RAF1: variants seen among roughly 807,000 people sequenced by gnomAD.
RAF1 encodes RAF proto-oncogene serine/threonine-protein kinase.
Under a neutral mutation model 81.1 loss-of-function variants are expected in RAF1, and 27 were observed. That is an observed-to-expected ratio of 0.33 (90% CI 0.25 to 0.46). The LOEUF (loss-of-function observed/expected upper bound fraction) is 0.46, where lower values mean the gene tolerates loss of function less well. RAF1 is among the 20% of genes least tolerant of loss of function. RAF1 has a pLI of 1.00. For synonymous variants in RAF1, 298 were observed against 294.0 expected (o/e 1.01, Z -0.14); for missense variants, 598 against 826.0 (o/e 0.72, Z 3.38).
intron 1 of RAF1, among the ~76,000 whole-genome samples, chr3:12,656,249 C>A (rs1397785290): frequency 6.6e-6 from 1 of 151,724 alleles, no homozygotes; most frequent in Non-Finnish European, 1.5e-5. Flanking sequence ...CCCATTCTCT[C>A]TGGGTATAAC....
chr3:12,638,652 T>C (rs1029547424), intron 1 of RAF1, among the ~76,000 whole-genome samples: 3 of 152,164 alleles, frequency 2.0e-5, no homozygotes, highest in Non-Finnish European at 2.9e-5. Flanking sequence ...CAGTAAACGG[T>C]AAATATTTTC....
chr3:12,637,761 G>A (rs1288180083), intron 1 of RAF1, among the ~76,000 whole-genome samples: 1 of 151,836 alleles, frequency 6.6e-6, no homozygotes, highest in African/African-American at 2.4e-5. Context: ...GCTGAGGCAG[G>A]AAAAGCGCTT....
chr3:12,622,003 T>A (rs2059569410), intron 1 of RAF1, among the ~76,000 whole-genome samples: 1 of 152,210 alleles, frequency 6.6e-6, no homozygotes, highest in South Asian at 2.1e-4. Flanking sequence ...TATTACACTA[T>A]AAACTTTTAT....
At chr3:12,624,842 C>T (rs573528039) in intron 1 of RAF1, among the ~76,000 whole-genome samples, 80 of 145,604 alleles carry the variant, frequency 5.5e-4, no homozygotes, top group African/African-American at 1.7e-3. Flanking sequence ...GCCGAGATTG[C>T]GCCACTGCAC....
Position 12,600,295 on chromosome 3 carries a change from A to C in RAF1, c.923-16T>G, listed in dbSNP as rs770891566. ...GAAGGTGAGGCTTAATAGACAAGAC[A>C]AACAGAAGCCACACAAGGATAAGCC... On this transcript the variant is annotated splice_polypyrimidine_tract_variant and intron_variant, in intron 9 of 17. Coordinates refer to ENST00000442415, the MANE Select transcript of RAF1 (RefSeq NM_001354689.3). 3 of 1,614,188 alleles carry C rather than the reference A, an allele frequency of 1.9e-6. No individual in the cohort carries two copies. The highest frequency in any genetic ancestry group is 1.7e-5 in the Admixed American group (1 of 60,024).
chr3:12,628,746 A>T (rs2059779602), intron 1 of RAF1, among the ~76,000 whole-genome samples: 1 of 34,394 alleles, frequency 2.9e-5, no homozygotes, highest in Non-Finnish European at 5.3e-5. Flanking sequence ...ACCTGAGACT[A>T]TTTTTGGGGG....
chr3:12,650,930 A>G (rs2060503786), intron 1 of RAF1, among the ~76,000 whole-genome samples: 1 of 152,178 alleles, frequency 6.6e-6, no homozygotes, highest in African/African-American at 2.4e-5. Context: ...TTTGAGCTTA[A>G]AGGGGCAATA....
chr3:12,641,592 A>G (rs1260087053), intron 1 of RAF1, among the ~76,000 whole-genome samples: 5 of 151,172 alleles, frequency 3.3e-5, no homozygotes, highest in Non-Finnish European at 7.4e-5. Flanking sequence ...CCCAGGTTCA[A>G]GGGATCCTCC....
chr3:12,587,928 T>C, intron 13 of RAF1: 1 of 231,830 alleles, frequency 4.3e-6, no homozygotes, highest in South Asian at 1.2e-4. Context: ...CACCTCCCAG[T>C]AGCCGGGACC....
In RAF1 at chr3:12,604,931, G is replaced by A. The variant is rs141317039; in HGVS notation, c.681-642C>T. Among the ~76,000 whole-genome samples, 62 of 152,190 alleles carry A rather than the reference G, an allele frequency of 4.1e-4. 1 individual carries two copies. The highest frequency in any genetic ancestry group is 1.5e-3 in the African/African-American group (62 of 41,520). On this transcript the variant is annotated intron_variant, in intron 6 of 17. Coordinates refer to ENST00000442415, the MANE Select transcript of RAF1 (RefSeq NM_001354689.3). ...CATTATTTGCTCTAAAGATTCGTTC[G>A]AGGTTTGTTCAGATTCAGGTAACAC...
rs33981119 is a variant in RAF1, at chr3:12,587,962, C to CTTTTTTTTTTTTTTT, written c.1431-340_1431-326dup. ...CCACAGGCATGTGCCACCATGCCGC[C>CTTTTTTTTTTTTTTT]TTTTTTTTTTTTTTTTTTTTTTTGG... On this transcript the variant is annotated intron_variant, in intron 13 of 17. Coordinates refer to ENST00000442415, the MANE Select transcript of RAF1 (RefSeq NM_001354689.3). The CTTTTTTTTTTTTTTT allele has an allele frequency of 3.2e-5, 2 of 62,550 alleles. 1 individual carries two copies. The highest frequency in any genetic ancestry group is 1.5e-4 in the African/African-American group (2 of 13,300). 3.9% of individuals were successfully genotyped at this position (62,550 alleles called of 1,614,324 possible).
At chr3:12,624,687 A>C (rs1239430666) in intron 1 of RAF1, among the ~76,000 whole-genome samples, 1 of 152,162 alleles carries the variant, frequency 6.6e-6, no homozygotes, top group Non-Finnish European at 1.5e-5. Context: ...GTCATGTTGG[A>C]AAAGATCAAT....
chr3:12,630,160 C>T (rs904168268), intron 1 of RAF1, among the ~76,000 whole-genome samples: 1 of 152,204 alleles, frequency 6.6e-6, no homozygotes, highest in Non-Finnish European at 1.5e-5. Flanking sequence ...CACAATTTTA[C>T]TAATCCTAAC....
At chr3:12,636,402 T>A (rs1320037551) in intron 1 of RAF1, among the ~76,000 whole-genome samples, 1 of 149,648 alleles carries the variant, frequency 6.7e-6, no homozygotes, top group Non-Finnish European at 1.5e-5. Flanking sequence ...AGCCCAGTAG[T>A]TCAAGACCAG....
chr3:12,613,089 C>CA (rs542154388), intron 2 of RAF1, among the ~76,000 whole-genome samples: 118 of 152,238 alleles, frequency 7.8e-4, no homozygotes, highest in Admixed American at 2.0e-3. Flanking sequence ...GCCTTAGTGG[C>CA]ACATACTTCT....
chr3:12,663,666 G>A, intron 1 of RAF1, 147 bp downstream of exon 1: 1 of 384,186 alleles, frequency 2.6e-6, no homozygotes, highest in Non-Finnish European at 4.6e-6. Flanking sequence ...CGCTACCCCA[G>A]GGTGACAACG....
intron 6 of RAF1, among the ~76,000 whole-genome samples, chr3:12,605,250 A>ATGTGTG (rs139616156): frequency 0.12 from 16,880 of 144,512 alleles, 1,146 homozygotes; most frequent in Admixed American, 0.19. Context: ...ATTACACATT[A>ATGTGTG]TGTGTGTGTG....
intron 1 of RAF1, among the ~76,000 whole-genome samples, chr3:12,631,164 A>T (rs758121142): frequency 2.0e-5 from 3 of 152,192 alleles, no homozygotes; most frequent in Non-Finnish European, 4.4e-5. Context: ...AAAAATTTAA[A>T]AACTGGCCAG....
At chr3:12,645,067 C>G (rs1275630465) in intron 1 of RAF1, among the ~76,000 whole-genome samples, 1 of 146,186 alleles carries the variant, frequency 6.8e-6, no homozygotes, top group Non-Finnish European at 1.5e-5. Flanking sequence ...TCACTGCACT[C>G]CAGCCTGGTG....
Sources: gnomAD v4.1 joint callset for allele counts (sites outside exome capture counted in the v4.1 genomes callset) on GRCh38, gnomAD v4.1.1 for gene constraint, MANE v1.5 for transcripts, NCBI Gene and HGNC (gene_info 2026-07-23, HGNC 2026-07-21) for gene names.